The following COG5 variants were observed in gnomAD, a reference collection of about 807,000 sequenced individuals.
COG5 encodes conserved oligomeric Golgi complex subunit 5.
Under a neutral mutation model 110.4 loss-of-function variants are expected in COG5, and 86 were observed. The observed-to-expected ratio is 0.78, with a 90% CI of 0.65 to 0.93. The LOEUF (loss-of-function observed/expected upper bound fraction) is 0.93. COG5 is among the 40% of genes least tolerant of loss of function. The pLI, the probability that COG5 is intolerant of heterozygous loss-of-function variation, is 0.00. For missense variants in COG5, 1,077 were observed against 987.0 expected (o/e 1.09, Z -1.22); for synonymous variants, 360 against 334.6 (o/e 1.08, Z -0.83).
intron 6 of COG5, among the ~76,000 whole-genome samples, chr7:107,512,316 A>C (rs912928951): frequency 6.6e-6 from 1 of 152,224 alleles, no homozygotes; most frequent in Non-Finnish European, 1.5e-5. Context: ...AGAGAATAAA[A>C]TACCTAGGAA....
chr7:107,289,255 T>C lies in COG5; in HGVS notation c.1314-5523A>G, dbSNP rs528426066. On this transcript the variant is annotated intron_variant, in intron 12 of 21. Transcript: ENST00000297135. ...TCACTATCAGCTGTCCCAGCACCAT[T>C]TGTCTAAAAGATAATTCTTTCTCGA... 5.3e-5 allele frequency among the ~76,000 whole-genome samples: 8 copies of C among 152,232 alleles called. No individual in the cohort carries two copies. The South Asian group carries it at 1.2e-3, about 24-fold the overall frequency.
chr7:107,458,934 TAC>T (rs1463025996), intron 6 of COG5, among the ~76,000 whole-genome samples: 9 of 151,264 alleles, frequency 5.9e-5, no homozygotes, highest in African/African-American at 7.3e-5. Context: ...TGTACATATA[TAC>T]ACACACATTT....
intron 16 of COG5, among the ~76,000 whole-genome samples, chr7:107,255,918 T>C (rs1802846795): frequency 6.6e-6 from 1 of 152,170 alleles, no homozygotes; most frequent in Non-Finnish European, 1.5e-5. Context: ...TCTTCAGAGT[T>C]AATGAGGTCT....
chr7:107,411,930 A>T (rs1394004359), intron 7 of COG5, among the ~76,000 whole-genome samples: 3 of 152,150 alleles, frequency 2.0e-5, no homozygotes, highest in Non-Finnish European at 4.4e-5. Flanking sequence ...ATACATCAAT[A>T]CCTTTGAATT....
At chr7:107,352,805 T>C (rs1490454254) in intron 10 of COG5, among the ~76,000 whole-genome samples, 1 of 152,176 alleles carries the variant, frequency 6.6e-6, no homozygotes, top group Non-Finnish European at 1.5e-5. Context: ...ATACACATGA[T>C]TACAAGATTC....
intron 12 of COG5, among the ~76,000 whole-genome samples, chr7:107,293,076 A>C (rs1806308766): frequency 6.6e-6 from 1 of 152,166 alleles, no homozygotes; most frequent in Non-Finnish European, 1.5e-5. Context: ...GTCTGGGAAC[A>C]ACCTCATTCT....
chr7:107,393,214 C>CT (rs1479539144), intron 7 of COG5, among the ~76,000 whole-genome samples: 1 of 152,126 alleles, frequency 6.6e-6, no homozygotes, highest in East Asian at 1.9e-4. Flanking sequence ...GAACTGCCTG[C>CT]TTTGTCTACC....
intron 6 of COG5, among the ~76,000 whole-genome samples, chr7:107,509,887 C>T (rs569823391): frequency 9.2e-5 from 14 of 152,218 alleles, no homozygotes; most frequent in African/African-American, 3.4e-4. Flanking sequence ...CCTAAAAGAG[C>T]TCCTGAAAGA....
rs188205926 is a variant in COG5, at chr7:107,486,676, T to C, written c.538+40561A>G. Among the ~76,000 whole-genome samples the C allele has an allele frequency of 3.7e-3, 559 of 151,764 alleles. 2 individuals are homozygous for C. Among genetic ancestry groups the C allele is most frequent in the Non-Finnish European group, 5.6e-3 (382 of 67,902 alleles). On this transcript the variant is annotated intron_variant, in intron 6 of 21. Transcript: ENST00000297135. ...AATCCCAGGATTTAAAAAAGGAAAA[T>C]AGACAAACAACTGAACTGCAATAGA...
In COG5 at chr7:107,209,239, C is replaced by T. The variant is rs751570353; in HGVS notation, c.2375+1287G>A. 2.0e-4 allele frequency: 193 copies of T among 985,152 alleles called. 1 individual carries two copies. The highest frequency in any genetic ancestry group is 3.8e-4 in the South Asian group (8 of 21,276). 61.0% of individuals were successfully genotyped at this position (985,152 alleles called of 1,614,324 possible). ...ATGACTTCAAGAGCTATTTTAGAGA[C>T]GCAACAGAGTGGGTTTGAGGAATAA... On this transcript the variant is annotated intron_variant, in intron 21 of 21. Transcript: ENST00000297135.
chr7:107,270,334 C>T (rs1239611036), intron 14 of COG5, among the ~76,000 whole-genome samples: 1 of 149,078 alleles, frequency 6.7e-6, no homozygotes, highest in Non-Finnish European at 1.5e-5. Flanking sequence ...GATCTTGGTT[C>T]GCTACAGCCT....
intron 1 of COG5, chr7:107,563,550 G>T (rs1012749513): frequency 3.4e-5 from 17 of 494,918 alleles, no homozygotes; most frequent in Middle Eastern, 5.4e-4. Flanking sequence ...GGCATGGGGG[G>T]GGGGGGGGTC....
chr7:107,292,328 C>T (rs1806241664), intron 12 of COG5, among the ~76,000 whole-genome samples: 1 of 152,180 alleles, frequency 6.6e-6, no homozygotes, highest in African/African-American at 2.4e-5. Context: ...GACCCAGGAC[C>T]TGTTTTATTG....
At chr7:107,462,955 G>C (rs529251175) in intron 6 of COG5, among the ~76,000 whole-genome samples, 1 of 152,314 alleles carries the variant, frequency 6.6e-6, no homozygotes, top group South Asian at 2.1e-4. Context: ...CCAGGAGCCA[G>C]TAAAAATATA....
At chr7:107,372,892 CAA>C (rs894223440) in intron 7 of COG5, 132 bp from the exon 8 acceptor site, 8 of 798,378 alleles carry the variant, frequency 1.0e-5, no homozygotes, top group South Asian at 7.9e-5. Context: ...TTAAAATTAT[CAA>C]AGACAAGAAA....
chr7:107,261,837 TTTTTAA>T (rs1169114077), intron 14 of COG5, among the ~76,000 whole-genome samples: 13 of 152,152 alleles, frequency 8.5e-5, no homozygotes, highest in African/African-American at 2.9e-4. Flanking sequence ...ATTTTACTTA[TTTTTAA>T]TTTTAATTTC....
At chr7:107,545,001 A>T (rs1802308926) in intron 5 of COG5, among the ~76,000 whole-genome samples, 1 of 152,194 alleles carries the variant, frequency 6.6e-6, no homozygotes, top group Admixed American at 6.5e-5. Flanking sequence ...GAACTAAAAA[A>T]ATTCCAAAGA....
chr7:107,474,330 A>G lies in COG5; in HGVS notation c.538+52907T>C, dbSNP rs776522088. On this transcript the variant is annotated intron_variant, in intron 6 of 21. Coordinates refer to ENST00000297135, the MANE Select transcript of COG5 (RefSeq NM_006348.5). The surrounding 1 kb of genome is among the most constrained non-coding windows in gnomAD (Gnocchi z 5.7). ...TGAATCTTCATGTACTTGATGTAAT[A>G]ATTTGTGTGGGATGTATTCCTCTAA... 20 of 1,611,902 alleles carry G rather than the reference A, an allele frequency of 1.2e-5. No homozygotes were observed. Among genetic ancestry groups the G allele is most frequent in the South Asian group, 4.4e-5 (4 of 91,030 alleles).
intron 6 of COG5, among the ~76,000 whole-genome samples, chr7:107,485,476 A>G (rs1376508303): frequency 6.6e-6 from 1 of 152,236 alleles, no homozygotes. Context: ...GGTACTATTT[A>G]TATTAACACA....
Sources: allele counts gnomAD v4.1 joint callset (sites outside exome capture counted in the v4.1 genomes callset), GRCh38; gene constraint gnomAD v4.1.1; non-coding constraint Gnocchi (gnomAD v3.1); transcripts MANE v1.5; gene names NCBI Gene and HGNC (gene_info 2026-07-23, HGNC 2026-07-21).